The following PRTFDC1 variants were observed in gnomAD, a reference collection of about 807,000 sequenced individuals.
PRTFDC1 encodes the protein phosphoribosyltransferase domain-containing protein 1.
Under a neutral mutation model 34.6 loss-of-function variants are expected in PRTFDC1, and 38 were observed. The ratio of observed to expected loss-of-function variants is 1.10; its 90% CI spans 0.85 to 1.44. The LOEUF (loss-of-function observed/expected upper bound fraction) is 1.44, where lower values mean the gene tolerates loss of function less well. Ranked by LOEUF, PRTFDC1 falls within the 40% of genes most tolerant of loss-of-function variation. PRTFDC1 has a pLI of 0.00. For missense variants in PRTFDC1, 270 were observed against 283.0 expected, an observed-to-expected ratio of 0.95 and a Z score of 0.33; for synonymous variants, 93 against 98.1, an observed-to-expected ratio of 0.95 and a Z score of 0.31.
chr10:24,930,782 A>G (rs545860566), intron 3 of PRTFDC1, among the ~76,000 whole-genome samples: 1 of 152,180 alleles, frequency 6.6e-6, no homozygotes, highest in Non-Finnish European at 1.5e-5. Context: ...TTTTGTGTCT[A>G]CTATTGAATT....
intron 3 of PRTFDC1, among the ~76,000 whole-genome samples, chr10:24,931,140 C>T (rs75511312): frequency 0.025 from 3,724 of 151,928 alleles, 60 homozygotes; most frequent in Middle Eastern, 0.048. Context: ...TTAAACAACA[C>T]GAGACAACCA....
At chr10:24,879,687 G>C (rs1848032399) in intron 3 of PRTFDC1, among the ~76,000 whole-genome samples, 1 of 152,110 alleles carries the variant, frequency 6.6e-6, no homozygotes. Flanking sequence ...GGGAGGAAAT[G>C]TTCTGCTACC....
intron 7 of PRTFDC1, 120 bp downstream of exon 7, chr10:24,855,198 A>C: frequency 1.0e-6 from 1 of 954,058 alleles, no homozygotes; most frequent in Non-Finnish European, 1.6e-6. Flanking sequence ...TCAGCCCTAC[A>C]CAGTTTCAAA....
chr10:24,854,434 C>G (rs1329043783), intron 7 of PRTFDC1, among the ~76,000 whole-genome samples: 1 of 152,152 alleles, frequency 6.6e-6, no homozygotes, highest in African/African-American at 2.4e-5. Flanking sequence ...ATGTCGCTGG[C>G]ATGTCACCCA....
chr10:24,923,761 C>T (rs932442697), intron 3 of PRTFDC1, among the ~76,000 whole-genome samples: 12 of 152,190 alleles, frequency 7.9e-5, no homozygotes, highest in African/African-American at 2.4e-4. Context: ...AGGATCGCAG[C>T]TCCTCACCAG....
chr10:24,891,220 A>C (rs1543575), intron 3 of PRTFDC1, among the ~76,000 whole-genome samples: 78,006 of 151,872 alleles, frequency 0.51, 20,797 homozygotes, highest in South Asian at 0.7. Context: ...ATGTAAATTT[A>C]ATTTGCTGTA....
chr10:24,896,448 TC>T (rs1240465610), intron 3 of PRTFDC1, among the ~76,000 whole-genome samples: 3 of 152,292 alleles, frequency 2.0e-5, no homozygotes, highest in East Asian at 3.9e-4. Flanking sequence ...GGACTGCTCT[TC>T]TAGAGGGTGC....
chr10:24,929,052 A>G (rs11014303), intron 3 of PRTFDC1, among the ~76,000 whole-genome samples: 1 of 116,508 alleles, frequency 8.6e-6, no homozygotes, highest in Non-Finnish European at 1.7e-5. Context: ...AAAAAAAAAA[A>G]AAAGAAAGAA....
intron 3 of PRTFDC1, among the ~76,000 whole-genome samples, chr10:24,930,401 G>C (rs1848952210): frequency 1.3e-5 from 2 of 152,056 alleles, no homozygotes; most frequent in South Asian, 4.1e-4. Flanking sequence ...CTACTTGATA[G>C]CTTATTAATT....
At position 24,898,929 on chromosome 10, in the gene PRTFDC1, C is replaced by T. The variant is rs74667110; in HGVS notation, c.340-26866G>A. 4.3e-3 allele frequency among the ~76,000 whole-genome samples: 659 copies of T among 151,756 alleles called. 2 individuals are homozygous for T. Among genetic ancestry groups the T allele is most frequent in the Non-Finnish European group, 7.5e-3 (507 of 67,968 alleles). ...GATTCTTTCCCTTATAAAAGAGTCC[C>T]CAGAATGCTTGTCTTTCTGGATACA... On this transcript the variant is annotated intron_variant, in intron 3 of 8. Transcript: ENST00000320152.
intron 3 of PRTFDC1, among the ~76,000 whole-genome samples, chr10:24,928,700 T>C (rs2132594547): frequency 6.6e-6 from 1 of 151,760 alleles, no homozygotes; most frequent in East Asian, 2.0e-4. Flanking sequence ...CATCTCGGCC[T>C]CCCAAAGTGC....
At chr10:24,951,580 A>G in intron 1 of PRTFDC1, 1 of 985,394 alleles carries the variant, frequency 1.0e-6, no homozygotes, top group Non-Finnish European at 1.2e-6. Flanking sequence ...ATTCATAAAC[A>G]GATTATCTGT....
chr10:24,894,847 T>C (rs1848323083), intron 3 of PRTFDC1, among the ~76,000 whole-genome samples: 1 of 152,148 alleles, frequency 6.6e-6, no homozygotes, highest in Non-Finnish European at 1.5e-5. Context: ...ATGAACCCTT[T>C]TGAGCCCCAA....
intron 3 of PRTFDC1, 53 bp downstream of exon 3, chr10:24,937,131 T>C: frequency 1.4e-6 from 2 of 1,442,744 alleles, no homozygotes; most frequent in Non-Finnish European, 1.9e-6. Context: ...GATTCTTTTA[T>C]CCTAAAGCAT....
rs5783910 is a variant in PRTFDC1, at chr10:24,927,581, A to ATTTT, written c.339+9599_339+9602dup. On this transcript the variant is annotated intron_variant, in intron 3 of 8. Coordinates refer to ENST00000320152, the MANE Select transcript of PRTFDC1 (RefSeq NM_020200.7). The stretch of plus-strand genomic sequence containing the variant: ...TATTGAAGTGATATTGCGGGACCCA[A>ATTTT]TTTTTTTTTTTTTTTTTTTGAGACA... Among the ~76,000 whole-genome samples the ATTTT allele has an allele frequency of 4.4e-3, 591 of 133,778 alleles. 13 individuals carry two copies. Among genetic ancestry groups the ATTTT allele is most frequent in the East Asian group, 0.012 (56 of 4,644 alleles). The allele number at this position is 133,778 out of a possible 152,430, so 87.8% of individuals were successfully genotyped here. A position where few individuals can be genotyped will look rare whatever the true frequency, so the allele number is the denominator to read the frequency against.
At chr10:24,943,279 A>T (rs1849198866) in intron 1 of PRTFDC1, among the ~76,000 whole-genome samples, 1 of 152,086 alleles carries the variant, frequency 6.6e-6, no homozygotes, top group Non-Finnish European at 1.5e-5. Context: ...CTTTAAAAGG[A>T]TGTACTATGT....
At chr10:24,853,506 G>T (rs1459583365) in intron 7 of PRTFDC1, among the ~76,000 whole-genome samples, 1 of 152,070 alleles carries the variant, frequency 6.6e-6, no homozygotes, top group African/African-American at 2.4e-5. Context: ...TACTTGGGAG[G>T]CTGAGGCAGG....
intron 3 of PRTFDC1, among the ~76,000 whole-genome samples, chr10:24,899,838 G>A (rs762410775): frequency 4.6e-5 from 7 of 152,100 alleles, no homozygotes; most frequent in Non-Finnish European, 7.3e-5. Context: ...ACAATGTTGC[G>A]GGAAGTATTC....
At chr10:24,895,291 G>A (rs1310380880) in intron 3 of PRTFDC1, among the ~76,000 whole-genome samples, 1 of 107,080 alleles carries the variant, frequency 9.3e-6, no homozygotes, top group African/African-American at 3.8e-5. Flanking sequence ...CGCTCTTGTT[G>A]CCCAGGCTGG....
Sources: gnomAD v4.1 joint callset for allele counts (sites outside exome capture counted in the v4.1 genomes callset) on GRCh38, gnomAD v4.1.1 for gene constraint, MANE v1.5 for transcripts, NCBI Gene and HGNC (gene_info 2026-07-23, HGNC 2026-07-21) for gene names.